UBR3: variants seen among roughly 807,000 people sequenced by gnomAD.
UBR3 encodes the protein ubiquitin protein ligase E3 component n-recognin 3, also known as E3 ubiquitin-protein ligase UBR3.
UBR3 carries 85 observed loss-of-function variants against 243.2 expected under a neutral mutation model. The ratio of observed to expected loss-of-function variants is 0.35; its 90% confidence interval spans 0.29 to 0.42. The LOEUF is 0.42. UBR3 is among the 10% of genes least tolerant of loss of function. The pLI is 1.00. For synonymous variants in UBR3, 748 were observed against 799.8 expected (o/e 0.94, Z 1.09); for missense variants, 1,686 against 2,300.8 (o/e 0.73, Z 5.47).
intron 1 of UBR3, among the ~76,000 whole-genome samples, chr2:169,864,080 C>T (rs889495511): frequency 5.9e-5 from 9 of 151,898 alleles, no homozygotes; most frequent in African/African-American, 1.9e-4. Context: ...GGATCTTACT[C>T]TGTCATCCAG....
At chr2:170,015,066 G>A (rs2090195159) in intron 29 of UBR3, 2 of 400,202 alleles carry the variant, frequency 5.0e-6, no homozygotes, top group Non-Finnish European at 8.9e-6. Flanking sequence ...TTTTGCAGGT[G>A]TAAATATGAA....
chr2:169,994,687 A>G (rs554065828), intron 26 of UBR3, among the ~76,000 whole-genome samples: 21 of 152,346 alleles, frequency 1.4e-4, no homozygotes, highest in African/African-American at 4.6e-4. Context: ...CACACATTCA[A>G]TTAAGTGGAA....
intron 10 of UBR3, among the ~76,000 whole-genome samples, chr2:169,913,525 G>A (rs538608557): frequency 1.4e-4 from 22 of 152,068 alleles, no homozygotes; most frequent in African/African-American, 5.1e-4. Flanking sequence ...CCCAAATTCT[G>A]TTGTAAGTCA....
At chr2:169,832,197 A>G (rs1161171802) in intron 1 of UBR3, among the ~76,000 whole-genome samples, 1 of 152,252 alleles carries the variant, frequency 6.6e-6, no homozygotes, top group Non-Finnish European at 1.5e-5. Flanking sequence ...CCAAAGGAAG[A>G]AAACAATTGA....
chr2:169,920,768 A>G (rs1275777660), intron 11 of UBR3, among the ~76,000 whole-genome samples: 1 of 152,174 alleles, frequency 6.6e-6, no homozygotes, highest in African/African-American at 2.4e-5. Flanking sequence ...GCGGGGGTAG[A>G]TGTCCCCTGC....
chr2:170,070,959 A>C (rs2091684568), intron 35 of UBR3, among the ~76,000 whole-genome samples: 1 of 152,166 alleles, frequency 6.6e-6, no homozygotes, highest in African/African-American at 2.4e-5. Flanking sequence ...AGTGGGCAAA[A>C]CACTTGAATA....
chr2:170,029,864 C>T (rs1260992040), intron 31 of UBR3, among the ~76,000 whole-genome samples: 1 of 151,956 alleles, frequency 6.6e-6, no homozygotes, highest in Non-Finnish European at 1.5e-5. Context: ...TTAGGTGCTG[C>T]AAAATGGTGA....
At position 170,079,794 on chromosome 2, in the gene UBR3, ATT is replaced by A. The variant is rs889979697; in HGVS notation, c.5200-16_5200-15del. The A allele has an allele frequency of 6.3e-7, 1 of 1,588,576 alleles. No individual in the cohort carries two copies. Among genetic ancestry groups the A allele is most frequent in the Non-Finnish European group, 8.6e-7 (1 of 1,168,154 alleles). ...ACTTAAATACATAAAACTAATGAAT[ATT>A]TTTGGATAATGTTTTAGGCCTTGCT... is the stretch of plus-strand genomic sequence containing the variant. On this transcript the variant is annotated intron_variant, in intron 36 of 38. Transcript: ENST00000272793.
At chr2:169,841,852 C>T (rs557633719) in intron 1 of UBR3, among the ~76,000 whole-genome samples, 1 of 152,234 alleles carries the variant, frequency 6.6e-6, no homozygotes, top group African/African-American at 2.4e-5. Context: ...TGAGCTTCCC[C>T]GACGAGCACC....
Position 169,951,989 on chromosome 2 carries a change from C to T in UBR3, c.3545+1924C>T, listed in dbSNP as rs923777424. Among the ~76,000 whole-genome samples the T allele has an allele frequency of 2.6e-5, 4 of 152,074 alleles. No homozygotes were observed. In the South Asian group the frequency reaches 6.2e-4, roughly 24 times the overall value. On this transcript the variant is annotated intron_variant, in intron 23 of 38. Transcript: ENST00000272793. ...TAAAAGTGATCTGTTCAGTTCTGGA[C>T]GCTACTAAGTTTAAGAGGGACACCC...
chr2:169,851,187 C>T lies in UBR3; in HGVS notation c.546-21049C>T, dbSNP rs1212666715. Among the ~76,000 whole-genome samples, 9 of 152,134 alleles carry T rather than the reference C, an allele frequency of 5.9e-5. No homozygotes were observed. The South Asian group carries it at 6.2e-4, about 11-fold the overall frequency. ...TTGCACAGGCTACAGTGCAGTGGCA[C>T]GATCTTGGCTCACTGCAGCCTTGAC... On this transcript the variant is annotated intron_variant, in intron 1 of 38. Coordinates refer to ENST00000272793, the MANE Select transcript of UBR3 (RefSeq NM_172070.4).
At chr2:170,046,747 G>A (rs747284033) in intron 32 of UBR3, among the ~76,000 whole-genome samples, 1 of 151,820 alleles carries the variant, frequency 6.6e-6, no homozygotes, top group Admixed American at 6.6e-5. Context: ...TTACACATTG[G>A]TAAAGTTGAT....
intron 35 of UBR3, among the ~76,000 whole-genome samples, chr2:170,062,028 T>C (rs541543559): frequency 5.9e-5 from 9 of 152,338 alleles, no homozygotes; most frequent in South Asian, 2.1e-4. Flanking sequence ...TTCAGTCTTA[T>C]TGACATTTGT....
intron 24 of UBR3, among the ~76,000 whole-genome samples, chr2:169,973,557 C>T (rs2088278175): frequency 6.6e-6 from 1 of 152,162 alleles, no homozygotes; most frequent in Non-Finnish European, 1.5e-5. Flanking sequence ...ATTTTGTATC[C>T]TGAAGCTTTA....
chr2:169,922,288 TAAA>T (rs748782463), intron 11 of UBR3, among the ~76,000 whole-genome samples: 2 of 122,718 alleles, frequency 1.6e-5, no homozygotes, highest in Non-Finnish European at 3.5e-5. Flanking sequence ...CCTGTCTATT[TAAA>T]AAAAAAAAAA....
chr2:169,890,538 G>GATAGAT (rs1238478825), intron 5 of UBR3, among the ~76,000 whole-genome samples: 1 of 77,596 alleles, frequency 1.3e-5, no homozygotes, highest in African/African-American at 6.2e-5. Flanking sequence ...GAGAGAGAGA[G>GATAGAT]AGATATATAT....
At chr2:169,853,369 T>G (rs546341916) in intron 1 of UBR3, among the ~76,000 whole-genome samples, 1 of 152,342 alleles carries the variant, frequency 6.6e-6, no homozygotes, top group Admixed American at 6.5e-5. Context: ...TATAGGTTCT[T>G]TCTTATAATG....
Position 169,892,515 on chromosome 2 carries a change from T to C in UBR3, c.1105+1284T>C, listed in dbSNP as rs114910995. Among the ~76,000 whole-genome samples the C allele has an allele frequency of 5.7e-3, 872 of 152,344 alleles. 7 individuals are homozygous for C. The highest frequency in any genetic ancestry group is 9.3e-3 in the Non-Finnish European group (632 of 68,032). On this transcript the variant is annotated intron_variant, in intron 6 of 38. Transcript: ENST00000272793. ...GTCTGTTTTTAAATACCTGAACTTT[T>C]TTCACATGTGTGTTTGGATTGAGTG...
intron 1 of UBR3, among the ~76,000 whole-genome samples, chr2:169,856,713 T>C (rs1352913310): frequency 6.6e-6 from 1 of 151,750 alleles, no homozygotes; most frequent in African/African-American, 2.4e-5. Context: ...GCGCCTGCAA[T>C]CCCAGGCACT....
Sources: gnomAD v4.1 joint callset for allele counts (sites outside exome capture counted in the v4.1 genomes callset) on GRCh38, gnomAD v4.1.1 for gene constraint, MANE v1.5 for transcripts, NCBI Gene and HGNC (gene_info 2026-07-23, HGNC 2026-07-21) for gene names.